The following PUDP variants were observed in gnomAD, a reference collection of about 807,000 sequenced individuals.
The protein encoded by PUDP is pseudouridine-5'-phosphatase.
In PUDP, 8 loss-of-function variants were observed where a neutral mutation model predicts 9.4. The ratio of observed to expected loss-of-function variants is 0.85; its 90% CI spans 0.50 to 1.53. The LOEUF is 1.53. Ranked by LOEUF, PUDP falls within the 40% of genes most tolerant of loss-of-function variation. The pLI is 0.00. For synonymous variants in PUDP, 99 were observed against 80.7 expected (o/e 1.23, Z -1.22); for missense variants, 188 against 189.7 (o/e 0.99, Z 0.05).
At chrX:6,728,128 G>C (rs886440960) in intron 3 of PUDP, among the ~76,000 whole-genome samples, 4 of 111,279 alleles carry the variant, frequency 3.6e-5, no homozygotes, top group African/African-American at 9.8e-5. Flanking sequence ...GCAGACAAGA[G>C]AGAATGAGAA....
At chrX:6,881,964 C>CTT (rs199805629) in intron 3 of PUDP, among the ~76,000 whole-genome samples, 3 of 99,643 alleles carry the variant, frequency 3.0e-5, no homozygotes, top group East Asian at 6.6e-4. Flanking sequence ...AGAGGAATCT[C>CTT]TTTTTTTTTT....
At chrX:6,987,698 G>A (rs770525555) in intron 1 of PUDP, among the ~76,000 whole-genome samples, 6 of 112,005 alleles carry the variant, frequency 5.4e-5, no homozygotes, top group Non-Finnish European at 1.1e-4. Flanking sequence ...TACTGTCCAC[G>A]GCTGTTTTCC....
chrX:6,833,031 T>C (rs899269158), intron 3 of PUDP, among the ~76,000 whole-genome samples: 2 of 101,988 alleles, frequency 2.0e-5, no homozygotes, highest in African/African-American at 7.8e-5. Flanking sequence ...CTAAACATGA[T>C]CAAGGCTTAG....
chrX:7,126,203 T>C (rs976574503), intron 1 of PUDP, among the ~76,000 whole-genome samples: 13 of 111,546 alleles, frequency 1.2e-4, no homozygotes, highest in African/African-American at 4.3e-4. Context: ...CTGTTATGCT[T>C]TTGGTTCACT....
At chrX:7,007,185 G>A (rs1408048852) in intron 1 of PUDP, among the ~76,000 whole-genome samples, 3 of 111,219 alleles carry the variant, frequency 2.7e-5, no homozygotes, top group African/African-American at 9.8e-5. Context: ...TGGGAAGGGA[G>A]GTAGCTACCT....
chrX:6,813,186 G>GA lies in PUDP; in HGVS notation c.*248-106721dup, dbSNP rs1287566106. 1.0e-4 allele frequency among the ~76,000 whole-genome samples: 11 copies of GA among 109,314 alleles called. No individual in the cohort carries two copies. In the South Asian group the frequency reaches 1.2e-3, roughly 12 times the overall value. The allele number at this position is 109,314 out of a possible 115,157, so 94.9% of individuals were successfully genotyped here. On this transcript the variant is annotated intron_variant and NMD_transcript_variant, in intron 3 of 3. Transcript: ENST00000655425. ...AAGAAGAAAGAAGAACAAAGAAAGAGAAAAAAAAGAAGAGAAAATAAAAGA... is the reference window on the plus strand; with the variant it reads ...AAGAAGAAAGAAGAACAAAGAAAGAGAAAAAAAAAGAAGAGAAAATAAAAGA...
chrX:7,023,492 T>C (rs1275580429), intron 1 of PUDP, among the ~76,000 whole-genome samples: 1 of 112,559 alleles, frequency 8.9e-6, no homozygotes. Flanking sequence ...AGGTCTATGA[T>C]CTATCTTGAG....
chrX:6,941,232 A>C (rs772698172), intron 3 of PUDP, among the ~76,000 whole-genome samples: 1 of 111,288 alleles, frequency 9.0e-6, no homozygotes, highest in Non-Finnish European at 1.9e-5. Flanking sequence ...AAGGGAAGGA[A>C]ATTCCAATCT....
At chrX:6,874,582 GTGTT>G (rs1425163071) in intron 3 of PUDP, among the ~76,000 whole-genome samples, 1 of 112,074 alleles carries the variant, frequency 8.9e-6, no homozygotes, top group African/African-American at 3.2e-5. Context: ...ACTATAGGCT[GTGTT>G]TATACACGCC....
chrX:7,109,276 G>A (rs781151872), intron 1 of PUDP, among the ~76,000 whole-genome samples: 15 of 112,156 alleles, frequency 1.3e-4, no homozygotes, highest in South Asian at 3.7e-4. Context: ...GCAGTGAGGC[G>A]GCACATTTTA....
intron 3 of PUDP, among the ~76,000 whole-genome samples, chrX:6,919,299 T>C (rs1018240330): frequency 1.2e-4 from 13 of 111,945 alleles, no homozygotes; most frequent in Non-Finnish European, 2.4e-4. Flanking sequence ...CTTCTCAAAA[T>C]TGAACTAGAA....
intron 3 of PUDP, among the ~76,000 whole-genome samples, chrX:6,898,584 G>A (rs780922174): frequency 2.7e-5 from 3 of 111,936 alleles, no homozygotes; most frequent in Admixed American, 9.5e-5. Context: ...GGGCCAGATT[G>A]CAAAATTATT....
chrX:6,894,989 TAC>T (rs1250146886), intron 3 of PUDP, among the ~76,000 whole-genome samples: 2 of 111,051 alleles, frequency 1.8e-5, no homozygotes, highest in Non-Finnish European at 3.8e-5. Context: ...ACAGGCCAGA[TAC>T]AGTTTCTTGT....
At chrX:7,000,619 C>A (rs1391228980) in intron 1 of PUDP, among the ~76,000 whole-genome samples, 1 of 107,633 alleles carries the variant, frequency 9.3e-6, no homozygotes, top group Non-Finnish European at 1.9e-5. Flanking sequence ...TAAATAGAAA[C>A]AAATATAAAT....
chrX:6,763,289 T>G (rs1348081907), intron 3 of PUDP, among the ~76,000 whole-genome samples: 3 of 111,244 alleles, frequency 2.7e-5, no homozygotes, highest in African/African-American at 9.8e-5. Flanking sequence ...CTTGGGAGGC[T>G]GAGGTAGGAG....
At chrX:7,103,388 C>G (rs973255673) in intron 2 of PUDP, among the ~76,000 whole-genome samples, 48 of 112,315 alleles carry the variant, frequency 4.3e-4, no homozygotes, top group Non-Finnish European at 4.3e-4. Context: ...CTAATTAACA[C>G]CATACACAAG....
At chrX:6,716,552 T>C (rs766789482) in intron 1 of PUDP, among the ~76,000 whole-genome samples, 1 of 112,105 alleles carries the variant, frequency 8.9e-6, no homozygotes, top group South Asian at 3.7e-4. Flanking sequence ...CTGATGGGAT[T>C]ACACATGATC....
At chrX:6,764,901 A>G (rs1390932300) in intron 3 of PUDP, among the ~76,000 whole-genome samples, 2 of 111,658 alleles carry the variant, frequency 1.8e-5, no homozygotes, top group Non-Finnish European at 3.8e-5. Context: ...AGAAAGCAAC[A>G]GGATTTCCAT....
chrX:7,138,642 G>A (rs1468263222), intron 1 of PUDP, among the ~76,000 whole-genome samples: 1 of 111,440 alleles, frequency 9.0e-6, no homozygotes, highest in Non-Finnish European at 1.9e-5. Context: ...CAAAGTGCTG[G>A]GATGATAGGC....
Sources: allele counts gnomAD v4.1 joint callset (sites outside exome capture counted in the v4.1 genomes callset), GRCh38; gene constraint gnomAD v4.1.1; transcripts MANE v1.5; gene names NCBI Gene and HGNC (gene_info 2026-07-23, HGNC 2026-07-21).